Variants in KLF15 observed in about 807,000 individuals in gnomAD.
The protein encoded by KLF15 is Krueppel-like factor 15.
Under a neutral mutation model 24.6 loss-of-function variants are expected in KLF15, and 4 were observed. That is an observed-to-expected ratio of 0.16 (90% CI 0.08 to 0.37). The LOEUF is 0.37. Among genes scored for constraint, KLF15 ranks in the 10% least tolerant of loss-of-function variants. The probability of loss-of-function intolerance (pLI) is 1.00; values close to 1 mark genes in which losing one functional copy is unlikely to be tolerated. For missense variants in KLF15, 496 were observed against 560.6 expected (o/e 0.88, Z 1.16); for synonymous variants, 246 against 236.3 (o/e 1.04, Z -0.37).
the KLF15 span, among the ~76,000 whole-genome samples, chr3:126,297,015 C>T: frequency 0.035 from 5,275 of 152,182 alleles, 151 homozygotes; most frequent in African/African-American, 0.071. Context: ...CTGAAGCAAT[C>T]CTCCCACCTC....
intron 1 of KLF15, among the ~76,000 whole-genome samples, chr3:126,355,325 G>A (rs2082620814): frequency 6.6e-6 from 1 of 152,252 alleles, no homozygotes; most frequent in Non-Finnish European, 1.5e-5. Flanking sequence ...CCAAGGACAG[G>A]TGGCCCTATC....
rs1023553650 is a variant in KLF15, at chr3:126,356,008, G to A, written c.-26+1229C>T. Among the ~76,000 whole-genome samples, 20 of 152,202 alleles carry A rather than the reference G, an allele frequency of 1.3e-4. No homozygotes were observed. Among genetic ancestry groups the A allele is most frequent in the Admixed American group, 1.3e-3 (20 of 15,292 alleles). On this transcript the variant is annotated intron_variant, in intron 1 of 2. Transcript: ENST00000296233. This position sits in a 1 kb window ranked among gnomAD's most constrained non-coding sequence, Gnocchi z 4.4. The stretch of plus-strand genomic sequence containing the variant: ...ACACGCTGTTCCGGGCACAGTCCCC[G>A]GCTGGCCGCCGGACTCCGCCCCCTC...
chr3:126,332,101 C>G, the KLF15 span, among the ~76,000 whole-genome samples: 1 of 152,174 alleles, frequency 6.6e-6, no homozygotes, highest in African/African-American at 2.4e-5. Context: ...TCTCTGTAGG[C>G]GCCACCGCTG....
At chr3:126,339,081 G>C (rs1342749462), downstream of KLF15, among the ~76,000 whole-genome samples, 2 of 152,204 alleles carry the variant, frequency 1.3e-5, no homozygotes, top group Non-Finnish European at 2.9e-5. Flanking sequence ...GCTGACAGTG[G>C]GGGACTGGTC....
At chr3:126,290,404 A>C in the KLF15 span, among the ~76,000 whole-genome samples, 8 of 152,052 alleles carry the variant, frequency 5.3e-5, no homozygotes, top group Non-Finnish European at 5.9e-5. Context: ...TCTGTCCCTG[A>C]TTGGCCCACC....
At chr3:126,298,529 A>G in the KLF15 span, among the ~76,000 whole-genome samples, 1 of 151,964 alleles carries the variant, frequency 6.6e-6, no homozygotes, top group Non-Finnish European at 1.5e-5. Flanking sequence ...GTTTTTAGTC[A>G]TAAATTCTTT....
chr3:126,338,331 G>T (rs925321523), downstream of KLF15, among the ~76,000 whole-genome samples: 3 of 152,240 alleles, frequency 2.0e-5, no homozygotes, highest in African/African-American at 7.2e-5. Flanking sequence ...TCCACGCCTT[G>T]TCCAGGGATT....
chr3:126,342,092 C>T (rs1388246859), downstream of KLF15, among the ~76,000 whole-genome samples: 2 of 152,164 alleles, frequency 1.3e-5, no homozygotes, highest in Non-Finnish European at 2.9e-5. Flanking sequence ...GAGTTAGGGA[C>T]GATGGAGGAC....
At chr3:126,300,579 C>T in the KLF15 span, among the ~76,000 whole-genome samples, 1 of 152,232 alleles carries the variant, frequency 6.6e-6, no homozygotes, top group Non-Finnish European at 1.5e-5. Context: ...TTCCCCTTTC[C>T]CCGTCCCCAT....
At position 126,352,247 on chromosome 3, in the gene KLF15, C is replaced by T. The variant is rs570381298; in HGVS notation, c.676G>A (p.Val226Met). The part of the protein sequence containing the change: ...PIPVLLQIQP[V>M]PVKQESGTGP... ...GTGCCCGATTCCTGCTTCACAGGCA[C>T]GGGCTGGATCTGCAGCAACACTGGG... Residue 226 changes from valine to methionine, a missense_variant, in exon 2 of 3, where the codon GTG becomes ATG. This residue lies in a region of KLF15 where 399 missense variants were observed against 423.1 expected (regional missense o/e 0.94). Coordinates refer to ENST00000296233, the MANE Select transcript of KLF15 (RefSeq NM_014079.4). 19 of 1,534,708 alleles carry T rather than the reference C, an allele frequency of 1.2e-5. No individual in the cohort carries two copies. Among genetic ancestry groups the T allele is most frequent in the South Asian group, 9.2e-5 (7 of 76,284 alleles).
intron 2 of KLF15, among the ~76,000 whole-genome samples, chr3:126,348,373 C>G (rs1474443287): frequency 6.6e-6 from 1 of 152,144 alleles, no homozygotes; most frequent in Non-Finnish European, 1.5e-5. Flanking sequence ...GCTCTTTTCC[C>G]ATAGCCCAGA....
the KLF15 span, among the ~76,000 whole-genome samples, chr3:126,312,069 A>G: frequency 6.6e-6 from 1 of 152,202 alleles, no homozygotes; most frequent in South Asian, 2.1e-4. Context: ...CTCAGAGGCT[A>G]TAGCCCCTCT....
intron 2 of KLF15, among the ~76,000 whole-genome samples, chr3:126,348,201 C>T (rs1181449147): frequency 3.9e-5 from 6 of 152,210 alleles, no homozygotes; most frequent in African/African-American, 1.4e-4. Flanking sequence ...GGAGAATTTA[C>T]CTAACTCTTC....
the KLF15 span, among the ~76,000 whole-genome samples, chr3:126,303,025 A>T: frequency 6.6e-6 from 1 of 150,980 alleles, no homozygotes; most frequent in African/African-American, 2.5e-5. Context: ...GTTGGCTTAT[A>T]TCTATAACTG....
At chr3:126,339,673 C>T (rs1238367413), downstream of KLF15, among the ~76,000 whole-genome samples, 2 of 152,158 alleles carry the variant, frequency 1.3e-5, no homozygotes, top group African/African-American at 4.8e-5. Flanking sequence ...CTCACAGGTT[C>T]CCCTGCCAGG....
At chr3:126,349,335 G>T (rs535688150) in intron 2 of KLF15, among the ~76,000 whole-genome samples, 49 of 152,202 alleles carry the variant, frequency 3.2e-4, no homozygotes, top group Non-Finnish European at 6.0e-4. Context: ...GAAGCCCGGG[G>T]CATGGCTGGC....
chr3:126,315,005 C>A, the KLF15 span, among the ~76,000 whole-genome samples: 1 of 152,150 alleles, frequency 6.6e-6, no homozygotes, highest in African/African-American at 2.4e-5. Context: ...GATGAAACTG[C>A]GGCCAGGGAT....
chr3:126,346,371 G>T (rs987192893), intron 2 of KLF15, among the ~76,000 whole-genome samples: 2 of 152,186 alleles, frequency 1.3e-5, no homozygotes, highest in Non-Finnish European at 2.9e-5. Context: ...CATGGCAAGG[G>T]TTTAAAGAGG....
At chr3:126,349,771 C>G (rs900579178) in intron 2 of KLF15, among the ~76,000 whole-genome samples, 18 of 152,320 alleles carry the variant, frequency 1.2e-4, no homozygotes, top group African/African-American at 4.1e-4. Flanking sequence ...GGAGTCCAGA[C>G]TGGTGCTTGG....
Sources: allele counts gnomAD v4.1 joint callset (sites outside exome capture counted in the v4.1 genomes callset), GRCh38; gene constraint gnomAD v4.1.1; regional missense constraint gnomAD v4.1.1; non-coding constraint Gnocchi (gnomAD v3.1); transcripts MANE v1.5; gene names NCBI Gene and HGNC (gene_info 2026-07-23, HGNC 2026-07-21).